Variants in ANKRD31 observed in about 807,000 individuals in gnomAD.
The protein encoded by ANKRD31 is ankyrin repeat domain-containing protein 31.
Under a neutral mutation model 186.0 loss-of-function variants are expected in ANKRD31, and 147 were observed. That is an observed-to-expected ratio of 0.79 (90% CI 0.69 to 0.91). ANKRD31 has a LOEUF of 0.91. Among genes scored for constraint, ANKRD31 ranks in the 40% least tolerant of loss-of-function variants. The pLI is 0.00. For missense variants in ANKRD31, 1,986 were observed against 2,148.8 expected (o/e 0.92, Z 1.50); for synonymous variants, 673 against 736.4 (o/e 0.91, Z 1.39).
At position 75,104,232 on chromosome 5, in the gene ANKRD31, G is replaced by T; in HGVS notation, c.5327C>A (p.Thr1776Lys). The T allele has an allele frequency of 1.3e-6, 2 of 1,496,492 alleles. No homozygotes were observed. The highest frequency in any genetic ancestry group is 2.8e-5 in the African/African-American group (2 of 71,220). 92.7% of individuals were successfully genotyped at this position (1,496,492 alleles called of 1,614,324 possible). ...NPGNNILEFK[T>K]QETTHKASIL... ...AGAGAAAAAAATATAGAATACCTGT[G>T]TTTTGAATTCCAGAATGTTATTTCC... The change falls in exon 22 of 26, where the codon ACA becomes AAA. Residue 1776 changes from threonine (T) to lysine (K), a missense_variant. Physicochemically the swap from Thr to Lys is moderately conservative, Grantham distance 78. Transcript: ENST00000506364.
chr5:75,104,274 A>G lies in ANKRD31; in HGVS notation c.5285T>C (p.Leu1762Pro). 2 of 1,531,378 alleles carry G rather than the reference A, an allele frequency of 1.3e-6. No homozygotes were observed. The highest frequency in any genetic ancestry group is 1.7e-6 in the Non-Finnish European group (2 of 1,143,970). The allele number at this position is 1,531,378 out of a possible 1,614,324, so 94.9% of individuals were successfully genotyped here. Residue 1762 changes from leucine (L) to proline (P), a missense_variant, in exon 22 of 26, where the codon CTA (leucine) becomes CCA (proline). Transcript: ENST00000506364. ...KCIQIKDLILLGRINPGNNIL... is the reference protein window; with the variant it reads ...KCIQIKDLILPGRINPGNNIL... ...GTTATTTCCTGGGTTAATTCTTCCT[A>G]GTAATATCAAATCTTTTATCTGAAT...
At chr5:75,172,933 A>G (rs1384056753) in intron 10 of ANKRD31, among the ~76,000 whole-genome samples, 2 of 152,184 alleles carry the variant, frequency 1.3e-5, no homozygotes, top group Non-Finnish European at 1.5e-5. Context: ...AGACACAACA[A>G]AAAAAGAGAA....
intron 22 of ANKRD31, among the ~76,000 whole-genome samples, chr5:75,093,421 T>G (rs1746085228): frequency 1.3e-5 from 2 of 151,854 alleles, no homozygotes; most frequent in South Asian, 4.1e-4. Flanking sequence ...GGTGGAGGTT[T>G]CAGTGAACTG....
Position 75,236,859 on chromosome 5 carries a change from G to A in ANKRD31, c.-173C>T. The stretch of plus-strand genomic sequence containing the variant: ...CTGAGGAGGACGCAGGCGGCCGCGA[G>A]CGCGGCGGGGTAGCAGTCTGCGAGG... On this transcript the variant is annotated 5_prime_UTR_variant, in exon 1 of 26. Transcript: ENST00000506364. 1 of 520,696 alleles carries A rather than the reference G, an allele frequency of 1.9e-6. No homozygotes were observed. Among genetic ancestry groups the A allele is most frequent in the African/African-American group, 2.0e-5 (1 of 49,182 alleles). 32.3% of individuals were successfully genotyped at this position (520,696 alleles called of 1,614,324 possible).
In ANKRD31 at chr5:75,104,381, C is replaced by A; in HGVS notation, c.5178G>T (p.Gln1726His). 1 of 1,537,122 alleles carries A rather than the reference C, an allele frequency of 6.5e-7. No homozygotes were observed. The change falls in exon 22 of 26, where the codon CAG becomes CAT. Residue 1726 changes from glutamine (Q) to histidine (H), a missense_variant. Transcript: ENST00000506364. ...GCCCAGATCCAGAGGAAGAGGAGAT[C>A]TGACTGTCATCTGCACATGGAACAA... ...VSVVPCADDS[Q>H]ISSSSGSGQQ...
chr5:75,182,104 CAT>C (rs1754354056), intron 10 of ANKRD31, among the ~76,000 whole-genome samples: 1 of 152,024 alleles, frequency 6.6e-6, no homozygotes, highest in African/African-American at 2.4e-5. Context: ...ATAAATAGGT[CAT>C]GTGAACTTTT....
chr5:75,187,110 T>TTTTTTGTGTGTGTG (rs367871687), intron 10 of ANKRD31, among the ~76,000 whole-genome samples: 2 of 116,186 alleles, frequency 1.7e-5, no homozygotes, highest in South Asian at 3.2e-4. Context: ...TGATTCTGTT[T>TTTTTTGTGTGTGTG]TGTGTGTGTG....
intron 14 of ANKRD31, among the ~76,000 whole-genome samples, chr5:75,145,154 T>C (rs779532873): frequency 2.6e-5 from 4 of 152,146 alleles, no homozygotes; most frequent in Admixed American, 6.5e-5. Flanking sequence ...TGTAAATTAG[T>C]TCAACCATTA....
At chr5:75,162,446 T>C (rs924289420) in intron 11 of ANKRD31, among the ~76,000 whole-genome samples, 2 of 152,200 alleles carry the variant, frequency 1.3e-5, no homozygotes, top group African/African-American at 4.8e-5. Flanking sequence ...GTAACTAACT[T>C]GCTTTTGATT....
chr5:75,104,605 C>T lies in ANKRD31; in HGVS notation c.4954G>A (p.Ala1652Thr), dbSNP rs1428146576. 6.5e-7 allele frequency: 1 copy of T among 1,536,506 alleles called. No homozygotes were observed. The highest frequency in any genetic ancestry group is 1.2e-5 in the South Asian group (1 of 83,860). Reference sequence around the variant, plus strand: ...TTTGATGGATGGGCAGCATTTTCGGCAAGGACACTTGCAGTTTCTGAAATA... The same window carrying T: ...TTTGATGGATGGGCAGCATTTTCGGTAAGGACACTTGCAGTTTCTGAAATA... Reference protein sequence around the residue: ...LNISETASVLAENAAHPSNII... With the variant: ...LNISETASVLTENAAHPSNII... The change falls in exon 22 of 26, where the codon GCC becomes ACC. Residue 1652 changes from alanine (A) to threonine (T), a missense_variant. Ala to Thr is a moderately conservative substitution (Grantham distance 58). Transcript: ENST00000506364.
intron 17 of ANKRD31, among the ~76,000 whole-genome samples, chr5:75,132,536 T>A (rs891663646): frequency 6.6e-6 from 1 of 152,096 alleles, no homozygotes; most frequent in African/African-American, 2.4e-5. Context: ...CAAATATACA[T>A]CTGATCGGTG....
At chr5:75,072,531 T>A (rs1325260699) in intron 25 of ANKRD31, among the ~76,000 whole-genome samples, 1 of 152,260 alleles carries the variant, frequency 6.6e-6, no homozygotes, top group African/African-American at 2.4e-5. Context: ...TCTGGAATGC[T>A]ACGGATCCAG....
At chr5:75,152,003 A>G (rs1751872603) in intron 12 of ANKRD31, among the ~76,000 whole-genome samples, 1 of 152,076 alleles carries the variant, frequency 6.6e-6, no homozygotes, top group African/African-American at 2.4e-5. Flanking sequence ...ATGACTCTTC[A>G]TAGAAAATAA....
chr5:75,204,595 G>C (rs1756029577), intron 5 of ANKRD31, among the ~76,000 whole-genome samples: 1 of 152,086 alleles, frequency 6.6e-6, no homozygotes, highest in Non-Finnish European at 1.5e-5. Context: ...GCCATCTAAG[G>C]CTTTTATTTA....
chr5:75,093,567 T>C (rs910735131), intron 22 of ANKRD31, among the ~76,000 whole-genome samples: 2 of 151,618 alleles, frequency 1.3e-5, no homozygotes, highest in East Asian at 3.9e-4. Flanking sequence ...ATGACTCAAG[T>C]AGGATAAATG....
chr5:75,140,328 A>T (rs888089473), intron 15 of ANKRD31, among the ~76,000 whole-genome samples: 1 of 151,240 alleles, frequency 6.6e-6, no homozygotes, highest in Admixed American at 6.6e-5. Context: ...GAAGGAAGGA[A>T]GGTAGGAAGG....
At chr5:75,212,707 A>G (rs1388065728) in intron 3 of ANKRD31, among the ~76,000 whole-genome samples, 1 of 152,106 alleles carries the variant, frequency 6.6e-6, no homozygotes, top group East Asian at 1.9e-4. Flanking sequence ...GATAAAATAC[A>G]CTGATAACAT....
intron 12 of ANKRD31, among the ~76,000 whole-genome samples, chr5:75,153,880 A>T (rs994802121): frequency 1.3e-5 from 2 of 152,156 alleles, no homozygotes; most frequent in Non-Finnish European, 2.9e-5. Flanking sequence ...ATTTTCACTG[A>T]AAAGGATATA....
intron 23 of ANKRD31, among the ~76,000 whole-genome samples, chr5:75,089,235 G>C (rs1470518853): frequency 6.6e-6 from 1 of 152,212 alleles, no homozygotes; most frequent in Admixed American, 6.5e-5. Context: ...ACAGCTGGGA[G>C]GCTGCAGGAG....
Sources: gnomAD v4.1 joint callset for allele counts (sites outside exome capture counted in the v4.1 genomes callset) on GRCh38, gnomAD v4.1.1 for gene constraint, MANE v1.5 for transcripts, NCBI Gene and HGNC (gene_info 2026-07-23, HGNC 2026-07-21) for gene names.